Variants in SYMPK observed in about 807,000 individuals in gnomAD.
SYMPK encodes the protein symplekin scaffold protein, also known as symplekin.
A neutral mutation model predicts 136.4 loss-of-function variants in SYMPK; 49 were observed. The ratio of observed to expected loss-of-function variants is 0.36; its 90% CI spans 0.29 to 0.46. The LOEUF (loss-of-function observed/expected upper bound fraction) is 0.46, where lower values mean the gene tolerates loss of function less well. Among genes scored for constraint, SYMPK ranks in the 20% least tolerant of loss-of-function variants. The pLI is 1.00. For synonymous variants in SYMPK, 766 were observed against 713.0 expected, an observed-to-expected ratio of 1.07 and a Z score of -1.19; for missense variants, 1,365 against 1,690.0, an observed-to-expected ratio of 0.81 and a Z score of 3.37.
In SYMPK at chr19:45,827,492, A is replaced by T. The variant is rs1971071182; in HGVS notation, c.2181+18T>A. ...AGCTGCAGGCTGAGGGCAGCCAGGA[A>T]GTGGAGGAGGGGATCACCTTGTCCT... On this transcript the variant is annotated intron_variant, in intron 16 of 26. Coordinates refer to ENST00000245934, the MANE Select transcript of SYMPK (RefSeq NM_004819.3). 3 of 1,595,582 alleles carry T rather than the reference A, an allele frequency of 1.9e-6. No homozygotes were observed. Among genetic ancestry groups the T allele is most frequent in the Non-Finnish European group, 1.7e-6 (2 of 1,163,500 alleles).
Position 45,829,181 on chromosome 19 carries a change from G to A in SYMPK, c.1774C>T (p.Leu592=). Residue 592 remains leucine, a synonymous_variant, in exon 14 of 27, where the codon CTG becomes TTG. Coordinates refer to ENST00000245934, the MANE Select transcript of SYMPK (RefSeq NM_004819.3). ...AGGCCCGAGTTGAACTGTGTCACCA[G>A]GCTGGCCAGGATCTTTATGCGGACC... ...AQVRIKILAS[L]VTQFNSGLKA... 6.2e-7 allele frequency: 1 copy of A among 1,613,996 alleles called. No individual in the cohort carries two copies. The highest frequency in any genetic ancestry group is 8.5e-7 in the Non-Finnish European group (1 of 1,179,884).
In SYMPK at chr19:45,818,062, G is replaced by T; in HGVS notation, c.2978C>A (p.Pro993His). The T allele has an allele frequency of 6.4e-7, 1 of 1,565,206 alleles. No homozygotes were observed. Among genetic ancestry groups the T allele is most frequent in the East Asian group, 2.4e-5 (1 of 41,980 alleles). The change falls in exon 23 of 27, where the codon CCC (proline) becomes CAC (histidine). Residue 993 changes from proline to histidine, a missense_variant. Pro to His is a moderately conservative substitution (Grantham distance 77). Around this residue, in one of 11 missense-constraint regions of SYMPK, gnomAD observed 156 missense variants for 217.8 expected, o/e 0.72. Transcript: ENST00000245934. Reference sequence around the variant, plus strand: ...GGTCCTCATGAGCAGCATGGGCAGGGGGCTCTGCTCCATCAGCTGCTGCAT... The same window carrying T: ...GGTCCTCATGAGCAGCATGGGCAGGTGGCTCTGCTCCATCAGCTGCTGCAT... ...VVMQQLMEQSPLPMLLMRTVI... is the reference protein window; with the variant it reads ...VVMQQLMEQSHLPMLLMRTVI...
Position 45,842,407 on chromosome 19 carries a change from C to G in SYMPK, c.930G>C (p.Lys310Asn). 3 of 1,614,228 alleles carry G rather than the reference C, an allele frequency of 1.9e-6. No individual in the cohort carries two copies. Among genetic ancestry groups the G allele is most frequent in the Non-Finnish European group, 2.5e-6 (3 of 1,180,050 alleles). ...NLKLHLLSVL[K>N]HPASLEFQAQ... ...CCTGGAACTCCAAGGAAGCCGGGTG[C>G]TTCAGCACACTCAACAGGTGCAGCT... Residue 310 changes from lysine to asparagine, a missense_variant, in exon 9 of 27, where the codon AAG (lysine) becomes AAC (asparagine). Lys to Asn is a moderately conservative substitution (Grantham distance 94, BLOSUM62 0). Transcript: ENST00000245934.
At chr19:45,825,417 G>A (rs1190849430) in intron 17 of SYMPK, 86 bp from the exon 18 acceptor site, 5 of 1,481,440 alleles carry the variant, frequency 3.4e-6, no homozygotes, top group Non-Finnish European at 3.6e-6. Context: ...CTTGGGCAGT[G>A]GAGCCGGGGA....
intron 9 of SYMPK, among the ~76,000 whole-genome samples, chr19:45,841,770 A>G (rs1568619776): frequency 6.6e-6 from 1 of 152,158 alleles, no homozygotes; most frequent in Non-Finnish European, 1.5e-5. Flanking sequence ...AAAACAAAGG[A>G]ATGAAAGAAG....
chr19:45,853,398 G>A (rs946461256), intron 3 of SYMPK, among the ~76,000 whole-genome samples: 24 of 152,230 alleles, frequency 1.6e-4, no homozygotes, highest in South Asian at 4.1e-4. Context: ...AGCAGTTTGC[G>A]GGGGCCAAGG....
chr19:45,857,824 A>C (rs1355940227), intron 1 of SYMPK, among the ~76,000 whole-genome samples: 7 of 140,494 alleles, frequency 5.0e-5, no homozygotes, highest in Non-Finnish European at 7.6e-5. Context: ...TTTAGATGGA[A>C]TTTCACTCTT....
At chr19:45,816,341 C>G in intron 25 of SYMPK, 141 bp downstream of exon 25, 3 of 1,263,722 alleles carry the variant, frequency 2.4e-6, no homozygotes, top group Non-Finnish European at 2.1e-6. Flanking sequence ...CCAGCAGGAG[C>G]ATCCCCTGGG....
At chr19:45,862,270 G>C (rs547123402) in intron 1 of SYMPK, among the ~76,000 whole-genome samples, 110 of 152,252 alleles carry the variant, frequency 7.2e-4, no homozygotes, top group South Asian at 2.1e-3. Flanking sequence ...CTTTTGCTAT[G>C]ATGAACAGTA....
rs1180489120 is a variant in SYMPK, at chr19:45,829,089, C to A, written c.1866G>T (p.Trp622Cys). The part of the protein sequence containing the change: ...VRARLDLAFA[W>C]LYQEYNAYLA... ...GGTAGGCGTTGTACTCCTGGTAGAG[C>A]CAGGCGAAGGCCAGGTCCAGGCGGG... Residue 622 changes from tryptophan (W) to cysteine (C), a missense_variant, in exon 14 of 27, where the codon TGG (tryptophan) becomes TGT (cysteine). Transcript: ENST00000245934. 1 of 1,614,054 alleles carries A rather than the reference C, an allele frequency of 6.2e-7. No individual in the cohort carries two copies. Among genetic ancestry groups the A allele is most frequent in the African/African-American group, 1.3e-5 (1 of 74,920 alleles).
At chr19:45,817,078 A>AT in intron 23 of SYMPK, 104 bp from the exon 24 acceptor site, 1 of 1,197,980 alleles carries the variant, frequency 8.3e-7, no homozygotes, top group Admixed American at 2.9e-5. Context: ...AAATCCCACC[A>AT]TCCAAGATTC....
intron 7 of SYMPK, among the ~76,000 whole-genome samples, chr19:45,845,962 C>G (rs922424379): frequency 2.0e-5 from 3 of 152,278 alleles, no homozygotes; most frequent in Admixed American, 2.0e-4. Flanking sequence ...TTAGGCCGGG[C>G]GCGGTGGCTC....
chr19:45,822,947 A>T, intron 20 of SYMPK, 101 bp from the exon 21 acceptor site: 1 of 928,170 alleles, frequency 1.1e-6, no homozygotes, highest in Non-Finnish European at 1.7e-6. Context: ...AGCTGAGGGC[A>T]AGCTCTGGCT....
At chr19:45,858,679 C>G (rs1971890723) in intron 1 of SYMPK, among the ~76,000 whole-genome samples, 1 of 152,092 alleles carries the variant, frequency 6.6e-6, no homozygotes, top group Admixed American at 6.6e-5. Context: ...CCACGCCTGG[C>G]TAATTTTGTA....
At chr19:45,849,940 G>A (rs1971658440) in intron 5 of SYMPK, among the ~76,000 whole-genome samples, 1 of 152,172 alleles carries the variant, frequency 6.6e-6, no homozygotes, top group South Asian at 2.1e-4. Flanking sequence ...AGCTACTTGG[G>A]AGGCTGAGGC....
rs374780468 is a variant in SYMPK at position 45,854,456 on chromosome 19, C to T, written c.40G>A (p.Val14Met). ...TCTTGAGTGAAAAACTGTGATGCCA[C>T]GCTCCGACGGGTGACGCTGTCTCCA... ...GSGDSVTRRS[V>M]ASQFFTQEEG... The change falls in exon 2 of 27, where the codon GTG becomes ATG. Residue 14 changes from valine to methionine, a missense_variant. By Grantham distance (21) the Val-to-Met change is conservative. This residue lies in a region of SYMPK where 61 missense variants were observed against 80.7 expected (regional missense o/e 0.76). Transcript: ENST00000245934. The T allele has an allele frequency of 4.3e-6, 7 of 1,614,020 alleles. No homozygotes were observed. The highest frequency in any genetic ancestry group is 1.3e-5 in the African/African-American group (1 of 74,936).
In SYMPK at chr19:45,825,318, G is replaced by A; in HGVS notation, c.2343C>T (p.Pro781=). ...ACTGCTTCACTGTCTCCTCCGTCCA[G>A]GGTGCTGCCACCTCTGACAGGGCAG... ...GADKDTEVAA[P]WTEETVKQCL... Residue 781 remains proline (P), a synonymous_variant, in exon 18 of 27, where the codon CCC becomes CCT. Coordinates refer to ENST00000245934, the MANE Select transcript of SYMPK (RefSeq NM_004819.3). 1 of 1,613,846 alleles carries A rather than the reference G, an allele frequency of 6.2e-7. No individual in the cohort carries two copies. The highest frequency in any genetic ancestry group is 8.5e-7 in the Non-Finnish European group (1 of 1,179,872).
At chr19:45,841,810 G>C (rs1971445166) in intron 9 of SYMPK, among the ~76,000 whole-genome samples, 1 of 152,148 alleles carries the variant, frequency 6.6e-6, no homozygotes, top group African/African-American at 2.4e-5. Context: ...AGCACTTCTG[G>C]AGGAAAACAT....
intron 10 of SYMPK, among the ~76,000 whole-genome samples, chr19:45,836,638 A>T (rs1971307847): frequency 6.6e-6 from 1 of 151,536 alleles, no homozygotes; most frequent in South Asian, 2.1e-4. Flanking sequence ...CTCAAAAAAA[A>T]AATGTATTAT....
Sources: gnomAD v4.1 joint callset for allele counts (sites outside exome capture counted in the v4.1 genomes callset) on GRCh38, gnomAD v4.1.1 for gene constraint, gnomAD v4.1.1 regional missense constraint, MANE v1.5 for transcripts, NCBI Gene and HGNC (gene_info 2026-07-23, HGNC 2026-07-21) for gene names.